Variants in CRYBG1 observed in about 807,000 individuals in gnomAD.
The protein encoded by CRYBG1 is beta/gamma crystallin domain-containing protein 1.
Under a neutral mutation model 189.2 loss-of-function variants are expected in CRYBG1, and 139 were observed. The observed-to-expected ratio is 0.73, with a 90% CI of 0.64 to 0.85. CRYBG1 has a LOEUF of 0.85. Ranked by LOEUF, CRYBG1 falls within the 40% of genes least tolerant of loss-of-function variation. The pLI is 0.00. For missense variants in CRYBG1, 2,611 were observed against 2,675.8 expected, an observed-to-expected ratio of 0.98 and a Z score of 0.53; for synonymous variants, 1,023 against 1,017.1, an observed-to-expected ratio of 1.01 and a Z score of -0.11.
At chr6:106,381,155 A>G (rs1426281403) in intron 1 of CRYBG1, among the ~76,000 whole-genome samples, 3 of 152,250 alleles carry the variant, frequency 2.0e-5, no homozygotes, top group African/African-American at 7.2e-5. Context: ...AGGTATATCC[A>G]GACACTCCTA....
chr6:106,543,402 T>G, intron 10 of CRYBG1, 38 bp from the exon 11 acceptor site: 1 of 1,560,260 alleles, frequency 6.4e-7, no homozygotes, highest in Non-Finnish European at 8.8e-7. Flanking sequence ...GTTGGGATAC[T>G]TCTTACAGAT....
At chr6:106,489,111 G>A (rs1181658034) in intron 2 of CRYBG1, among the ~76,000 whole-genome samples, 1 of 152,166 alleles carries the variant, frequency 6.6e-6, no homozygotes, top group Non-Finnish European at 1.5e-5. Context: ...CATAAGAAAG[G>A]TCTCTCCAGC....
At chr6:106,452,192 A>G (rs1359447733) in intron 2 of CRYBG1, among the ~76,000 whole-genome samples, 1 of 146,646 alleles carries the variant, frequency 6.8e-6, no homozygotes, top group East Asian at 2.0e-4. Flanking sequence ...GGATCACTTG[A>G]GGTCAGGAGT....
Position 106,360,958 on chromosome 6 carries a change from G to A in CRYBG1, c.50G>A (p.Cys17Tyr). 6.5e-7 allele frequency: 1 copy of A among 1,535,238 alleles called. No homozygotes were observed. Among genetic ancestry groups the A allele is most frequent in the Non-Finnish European group, 8.7e-7 (1 of 1,146,560 alleles). ...GGCGACCCCGGGGAGCCCAGCCCGTGCAGGCCCCCTAAGAAGCACACCACC... is the reference window on the plus strand; with the variant it reads ...GGCGACCCCGGGGAGCCCAGCCCGTACAGGCCCCCTAAGAAGCACACCACC... ...AQGDPGEPSP[C>Y]RPPKKHTTFH... The change falls in exon 1 of 22, where the codon TGC becomes TAC. Residue 17 changes from cysteine (C) to tyrosine (Y), a missense_variant. Cys to Tyr is a radical substitution (Grantham distance 194, BLOSUM62 -2). Around this residue, in one of 3 missense-constraint regions of CRYBG1, gnomAD observed 985 missense variants for 924.4 expected, o/e 1.07. Coordinates refer to ENST00000633556, the MANE Select transcript of CRYBG1 (RefSeq NM_001371242.2).
Position 106,544,570 on chromosome 6 carries a change from G to A in CRYBG1, c.5040-1G>A, listed in dbSNP as rs756176117. 5.0e-6 allele frequency: 8 copies of A among 1,613,370 alleles called. No individual in the cohort carries two copies. Among genetic ancestry groups the A allele is most frequent in the Non-Finnish European group, 6.8e-6 (8 of 1,179,634 alleles). ...TACTCCTCGTGTTCTTTATGTTGCA[G>A]TTGGGTTGCATATGAGAAACCTGGA... On this transcript the variant is annotated splice_acceptor_variant, in intron 11 of 21. Transcript: ENST00000633556. LOFTEE classifies it high-confidence loss of function.
intron 1 of CRYBG1, among the ~76,000 whole-genome samples, chr6:106,379,890 A>G (rs551247755): frequency 6.6e-6 from 1 of 152,332 alleles, no homozygotes; most frequent in South Asian, 2.1e-4. Context: ...TGATTTTTAC[A>G]TTCTAATTAC....
chr6:106,450,896 G>A (rs907458532), intron 1 of CRYBG1, among the ~76,000 whole-genome samples: 1 of 152,190 alleles, frequency 6.6e-6, no homozygotes, highest in Non-Finnish European at 1.5e-5. Context: ...AGAGGGTCAG[G>A]GAGACATCAA....
At chr6:106,368,903 C>CA (rs1447142317) in intron 1 of CRYBG1, among the ~76,000 whole-genome samples, 1 of 151,766 alleles carries the variant, frequency 6.6e-6, no homozygotes, top group South Asian at 2.1e-4. Context: ...TTCATGTTTT[C>CA]AAAAAAAATT....
chr6:106,534,007 C>CTTTT (rs1773933934), intron 8 of CRYBG1, among the ~76,000 whole-genome samples: 1 of 152,076 alleles, frequency 6.6e-6, no homozygotes, highest in African/African-American at 2.4e-5. Flanking sequence ...GGAATCTAAG[C>CTTTT]AAAAGAAAAT....
intron 6 of CRYBG1, 22 bp downstream of exon 6, chr6:106,525,408 C>G (rs1049917474): frequency 5.1e-6 from 8 of 1,572,704 alleles, no homozygotes; most frequent in Non-Finnish European, 7.0e-6. Context: ...ACTTTAAGTT[C>G]CTGATGTCAA....
chr6:106,571,102 G>A lies in CRYBG1; in HGVS notation c.*2536G>A, dbSNP rs758542539. The A allele has an allele frequency of 2.6e-5, 4 of 152,184 alleles. No homozygotes were observed. In the South Asian group the frequency reaches 8.3e-4, roughly 32 times the overall value. The allele number at this position is 152,184 out of a possible 1,614,324, so 9.4% of individuals were successfully genotyped here. A position where few individuals can be genotyped will look rare whatever the true frequency, so the allele number is the denominator to read the frequency against. On this transcript the variant is annotated 3_prime_UTR_variant, in exon 22 of 22. Coordinates refer to ENST00000633556, the MANE Select transcript of CRYBG1 (RefSeq NM_001371242.2). Reference sequence around the variant, plus strand: ...CATGGAAAAGCCCTCAGAGAAGCATGTTTCAATTGCCGAAACAGGCCTAAT... The same window carrying A: ...CATGGAAAAGCCCTCAGAGAAGCATATTTCAATTGCCGAAACAGGCCTAAT...
intron 2 of CRYBG1, among the ~76,000 whole-genome samples, chr6:106,473,444 G>T (rs529895937): frequency 2.6e-5 from 4 of 152,236 alleles, no homozygotes; most frequent in African/African-American, 9.6e-5. Flanking sequence ...GAGATATATT[G>T]GTCTATACAG....
At chr6:106,559,713 G>A (rs1403323186) in intron 18 of CRYBG1, among the ~76,000 whole-genome samples, 3 of 151,848 alleles carry the variant, frequency 2.0e-5, no homozygotes, top group Non-Finnish European at 4.4e-5. Context: ...TTGAACCCAG[G>A]AGGTGGAGGT....
intron 6 of CRYBG1, 149 bp downstream of exon 6, chr6:106,525,535 T>G: frequency 1.5e-6 from 1 of 673,880 alleles, no homozygotes; most frequent in Non-Finnish European, 2.6e-6. Context: ...GGGATTCATA[T>G]CTTAACAATG....
chr6:106,451,468 A>G, intron 1 of CRYBG1: 1 of 359,358 alleles, frequency 2.8e-6, no homozygotes. Flanking sequence ...TCTGCATAGG[A>G]TTTAAAAGAA....
chr6:106,503,172 G>A (rs544918498), intron 2 of CRYBG1, among the ~76,000 whole-genome samples: 216 of 152,282 alleles, frequency 1.4e-3, no homozygotes, highest in Non-Finnish European at 2.8e-3. Context: ...GAGAGATTAG[G>A]GGGGAAATCA....
intron 1 of CRYBG1, among the ~76,000 whole-genome samples, chr6:106,402,343 A>T (rs1387695553): frequency 1.7e-5 from 1 of 57,608 alleles, no homozygotes; most frequent in Non-Finnish European, 3.3e-5. Context: ...TCACCAAGTC[A>T]ATCCTAAGCC....
chr6:106,394,587 A>C (rs1208956898), intron 1 of CRYBG1, among the ~76,000 whole-genome samples: 2 of 152,242 alleles, frequency 1.3e-5, no homozygotes, highest in Non-Finnish European at 2.9e-5. Context: ...CAAGAAAGGA[A>C]TAAAGTGATT....
chr6:106,451,659 G>T, intron 1 of CRYBG1, 35 bp from the exon 2 acceptor site: 1 of 1,498,958 alleles, frequency 6.7e-7, no homozygotes, highest in Non-Finnish European at 8.9e-7. Flanking sequence ...ATTGTTCATA[G>T]TGTATTGACA....
Sources: allele counts gnomAD v4.1 joint callset (sites outside exome capture counted in the v4.1 genomes callset), GRCh38; gene constraint gnomAD v4.1.1; regional missense constraint gnomAD v4.1.1; transcripts MANE v1.5; gene names NCBI Gene and HGNC (gene_info 2026-07-23, HGNC 2026-07-21).